The following HEG1 variants were observed in gnomAD, a reference collection of about 807,000 sequenced individuals.
The protein encoded by HEG1 is heart development protein with EGF like domains 1, also known as protein HEG homolog 1.
In HEG1, 56 loss-of-function variants were observed where a neutral mutation model predicts 125.6. The ratio of observed to expected loss-of-function variants is 0.45; its 90% confidence interval spans 0.36 to 0.56. The LOEUF (loss-of-function observed/expected upper bound fraction) is 0.56, where lower values mean the gene tolerates loss of function less well. HEG1 is among the 20% of genes least tolerant of loss of function. The pLI is 0.00. For missense variants in HEG1, 1,523 were observed against 1,670.0 expected (o/e 0.91, Z 1.53); for synonymous variants, 644 against 668.5 (o/e 0.96, Z 0.57).
At chr3:124,994,812 C>T (rs938149573) in intron 12 of HEG1, among the ~76,000 whole-genome samples, 3 of 152,192 alleles carry the variant, frequency 2.0e-5, no homozygotes, top group African/African-American at 7.2e-5. Context: ...CTGACAGTGG[C>T]ATCTTAAAAA....
At chr3:125,037,438 A>G (rs1248137851) in intron 1 of HEG1, among the ~76,000 whole-genome samples, 1 of 152,196 alleles carries the variant, frequency 6.6e-6, no homozygotes, top group African/African-American at 2.4e-5. Flanking sequence ...AGTTCCAGTG[A>G]CATTTCTGAA....
At chr3:125,027,892 T>C (rs1026062676) in intron 2 of HEG1, among the ~76,000 whole-genome samples, 4 of 152,162 alleles carry the variant, frequency 2.6e-5, no homozygotes, top group African/African-American at 9.7e-5. Flanking sequence ...GACCAGGGAA[T>C]GTCATGTGCA....
At chr3:125,008,467 A>G (rs1579413854) in intron 8 of HEG1, among the ~76,000 whole-genome samples, 2 of 152,208 alleles carry the variant, frequency 1.3e-5, no homozygotes, top group African/African-American at 4.8e-5. Context: ...TGACTGAAAG[A>G]TGAGTTATTT....
chr3:124,970,850 T>C, intron 16 of HEG1, 49 bp from the exon 17 acceptor site: 1 of 1,508,154 alleles, frequency 6.6e-7, no homozygotes, highest in Non-Finnish European at 9.1e-7. Context: ...ATTCTTGGGT[T>C]TAAATTGCAG....
chr3:125,014,392 C>T (rs1161125426), intron 5 of HEG1, among the ~76,000 whole-genome samples: 1 of 152,180 alleles, frequency 6.6e-6, no homozygotes, highest in Non-Finnish European at 1.5e-5. Flanking sequence ...AAAGGAAAAT[C>T]TTCCCAACTT....
intron 14 of HEG1, among the ~76,000 whole-genome samples, chr3:124,982,514 C>T (rs538480735): frequency 6.6e-6 from 1 of 152,340 alleles, no homozygotes; most frequent in African/African-American, 2.4e-5. Flanking sequence ...GTCCTACTTT[C>T]TTCTTGGCAT....
rs148879995 is a variant in HEG1 at position 125,030,522 on chromosome 3, A to T, written c.317-1034T>A. 9.1e-3 allele frequency among the ~76,000 whole-genome samples: 1,389 copies of T among 152,366 alleles called. 21 individuals are homozygous for T. Among genetic ancestry groups the T allele is most frequent in the African/African-American group, 0.032 (1,333 of 41,584 alleles). On this transcript the variant is annotated intron_variant, in intron 1 of 16. Transcript: ENST00000311127. The stretch of plus-strand genomic sequence containing the variant: ...CCACAAGAAAGAAAACTATGTGGTC[A>T]CTGAATTGGTGCTATAAAATAAAGA...
chr3:124,972,911 C>G (rs1023198500), intron 16 of HEG1, among the ~76,000 whole-genome samples: 8 of 152,160 alleles, frequency 5.3e-5, no homozygotes, highest in Non-Finnish European at 7.3e-5. Flanking sequence ...ATACAATATT[C>G]TAAACCTGAG....
rs949433007 is a variant in HEG1, at chr3:124,982,386, C to T, written c.3734-4440G>A. Among the ~76,000 whole-genome samples the T allele has an allele frequency of 3.9e-5, 6 of 152,180 alleles. No homozygotes were observed. The South Asian group carries it at 1.2e-3, about 31-fold the overall frequency. The stretch of plus-strand genomic sequence containing the variant: ...GAATAAGTGCCAACTGAAGTGTTTC[C>T]TAGCTTTAGAGGTGCTCTGAATATT... On this transcript the variant is annotated intron_variant, in intron 14 of 16. Coordinates refer to ENST00000311127, the MANE Select transcript of HEG1 (RefSeq NM_020733.2).
At chr3:125,024,960 G>C (rs558386123) in intron 3 of HEG1, among the ~76,000 whole-genome samples, 33 of 152,284 alleles carry the variant, frequency 2.2e-4, no homozygotes, top group Non-Finnish European at 4.0e-4. Context: ...CTTTTCACAG[G>C]GTCATATTTC....
Position 125,000,336 on chromosome 3 carries a change from C to G in HEG1, c.3517+1516G>C, listed in dbSNP as rs1936982720. ...TGGCTGGCACTTGATTTGCAAGGCA[C>G]TTGATTTGAATGCATTTATGGGAAA... On this transcript the variant is annotated intron_variant, in intron 11 of 16. Coordinates refer to ENST00000311127, the MANE Select transcript of HEG1 (RefSeq NM_020733.2). Among the ~76,000 whole-genome samples, 3 of 152,124 alleles carry G rather than the reference C, an allele frequency of 2.0e-5. No individual in the cohort carries two copies. In the South Asian group the frequency reaches 6.2e-4, roughly 32 times the overall value.
At chr3:124,978,846 A>AAAT (rs1560014819) in intron 14 of HEG1, among the ~76,000 whole-genome samples, 34 of 90,532 alleles carry the variant, frequency 3.8e-4, no homozygotes, top group Admixed American at 7.3e-4. Flanking sequence ...AATAAATAAA[A>AAAT]AAGTAATGGA....
chr3:125,051,613 T>A (rs1937807997), intron 1 of HEG1, among the ~76,000 whole-genome samples: 1 of 152,212 alleles, frequency 6.6e-6, no homozygotes, highest in Admixed American at 6.5e-5. Context: ...CACATACGTG[T>A]TCAAAGGCCA....
chr3:125,019,511 C>T lies in HEG1; in HGVS notation c.1339G>A (p.Ala447Thr), dbSNP rs761094797. ...SQTETVSRSV[A>T]PMRGGEITAH... is the part of the protein sequence containing the mutation. ...GTGATCTCTCCACCTCTCATGGGTG[C>T]GACTGACCTAGACACAGTCTCAGTC... Residue 447 changes from alanine (A) to threonine (T), a missense_variant, in exon 5 of 17, where the codon GCA becomes ACA. By Grantham distance (58) the Ala-to-Thr change is moderately conservative. Transcript: ENST00000311127. 40 of 1,613,822 alleles carry T rather than the reference C, an allele frequency of 2.5e-5. No homozygotes were observed. In the East Asian group the frequency reaches 2.9e-4, roughly 12 times the overall value.
At chr3:125,003,058 G>A (rs1172490021) in intron 9 of HEG1, among the ~76,000 whole-genome samples, 1 of 152,180 alleles carries the variant, frequency 6.6e-6, no homozygotes, top group Non-Finnish European at 1.5e-5. Flanking sequence ...GAAGATGGAG[G>A]CAAACATGGG....
intron 1 of HEG1, among the ~76,000 whole-genome samples, chr3:125,045,084 A>C (rs60601708): frequency 0.35 from 53,996 of 152,108 alleles, 10,713 homozygotes; most frequent in South Asian, 0.51. Context: ...ACCATTAGCA[A>C]GCAAAGGGAG....
At chr3:125,016,270 T>G (rs1937244899) in intron 5 of HEG1, among the ~76,000 whole-genome samples, 1 of 152,008 alleles carries the variant, frequency 6.6e-6, no homozygotes, top group African/African-American at 2.4e-5. Flanking sequence ...AAGGCCGGAG[T>G]GCAGAACCCC....
At chr3:125,055,256 G>C (rs1397245518) in intron 1 of HEG1, among the ~76,000 whole-genome samples, 1 of 152,188 alleles carries the variant, frequency 6.6e-6, no homozygotes, top group Non-Finnish European at 1.5e-5. Flanking sequence ...TCGGAGGTGG[G>C]AGAGATGCTT....
intron 12 of HEG1, among the ~76,000 whole-genome samples, chr3:124,996,747 C>T (rs1344680928): frequency 2.0e-5 from 3 of 152,182 alleles, no homozygotes; most frequent in Non-Finnish European, 4.4e-5. Flanking sequence ...TGTCGCCTCG[C>T]CCCAGTATGT....
Sources: allele counts gnomAD v4.1 joint callset (sites outside exome capture counted in the v4.1 genomes callset), GRCh38; gene constraint gnomAD v4.1.1; transcripts MANE v1.5; gene names NCBI Gene and HGNC (gene_info 2026-07-23, HGNC 2026-07-21).